The following KCNIP1 variants were observed in gnomAD, a reference collection of about 807,000 sequenced individuals.
The protein encoded by KCNIP1 is A-type potassium channel modulatory protein KCNIP1.
KCNIP1 carries 18 observed loss-of-function variants against 33.0 expected under a neutral mutation model. The ratio of observed to expected loss-of-function variants is 0.55; its 90% CI spans 0.38 to 0.81. The LOEUF is 0.81. Ranked by LOEUF, KCNIP1 falls within the 30% of genes least tolerant of loss-of-function variation. The pLI is 0.00. For missense variants in KCNIP1, 238 were observed against 271.6 expected (o/e 0.88, Z 0.87); for synonymous variants, 93 against 98.3 (o/e 0.95, Z 0.32).
intron 1 of KCNIP1, among the ~76,000 whole-genome samples, chr5:170,515,095 T>G (rs1264196797): frequency 6.6e-6 from 1 of 152,198 alleles, no homozygotes; most frequent in East Asian, 1.9e-4. Context: ...CGATGCCTGG[T>G]GGAAGAACAG....
At chr5:170,474,060 T>C (rs1756795776) in intron 1 of KCNIP1, among the ~76,000 whole-genome samples, 1 of 152,250 alleles carries the variant, frequency 6.6e-6, no homozygotes, top group Non-Finnish European at 1.5e-5. Flanking sequence ...AAGCTAGTTA[T>C]TATGAGAAAC....
chr5:170,690,689 C>G (rs1762691422), intron 1 of KCNIP1, among the ~76,000 whole-genome samples: 1 of 152,234 alleles, frequency 6.6e-6, no homozygotes, highest in African/African-American at 2.4e-5. Context: ...AGCCTCAACC[C>G]CAGCCCTCAG....
rs865989986 is a variant in KCNIP1 at position 170,504,699 on chromosome 5, G to A, written c.61+66G>A. The A allele has an allele frequency of 5.5e-5, 73 of 1,325,288 alleles. No homozygotes were observed. The Middle Eastern group carries it at 2.7e-3, about 49-fold the overall frequency. The allele number at this position is 1,325,288 out of a possible 1,614,324, so 82.1% of individuals were successfully genotyped here. On this transcript the variant is annotated intron_variant, in intron 1 of 7. Coordinates refer to ENST00000328939, the MANE Select transcript of KCNIP1 (RefSeq NM_014592.4). This position sits in a 1 kb window ranked among gnomAD's most constrained non-coding sequence, Gnocchi z 6.0. ...GGGGTGCTAGGCGCCGAGGTGGGCT[G>A]TGCCACCTGCCTCCCTTAGTCCGGA...
intron 1 of KCNIP1, among the ~76,000 whole-genome samples, chr5:170,355,602 G>A (rs138405945): frequency 6.6e-6 from 1 of 152,276 alleles, no homozygotes; most frequent in Non-Finnish European, 1.5e-5. Flanking sequence ...AGATGTCTGG[G>A]GCAGACTAAG....
chr5:170,408,001 C>T (rs1278335266), intron 1 of KCNIP1, among the ~76,000 whole-genome samples: 1 of 152,200 alleles, frequency 6.6e-6, no homozygotes, highest in Non-Finnish European at 1.5e-5. Context: ...TCTCTCTCAG[C>T]CTCAACTTTC....
intron 1 of KCNIP1, among the ~76,000 whole-genome samples, chr5:170,392,749 A>T (rs1382762554): frequency 6.6e-6 from 1 of 152,200 alleles, no homozygotes; most frequent in African/African-American, 2.4e-5. Context: ...ACTTGAATCC[A>T]GGAGGCGGAG....
At chr5:170,445,270 A>G (rs1561629498) in intron 1 of KCNIP1, among the ~76,000 whole-genome samples, 1 of 152,128 alleles carries the variant, frequency 6.6e-6, no homozygotes, top group Non-Finnish European at 1.5e-5. Flanking sequence ...TGTTGTCTCC[A>G]ATTGCCTCAG....
chr5:170,699,901 C>T (rs764554084), intron 1 of KCNIP1, among the ~76,000 whole-genome samples: 3 of 152,206 alleles, frequency 2.0e-5, no homozygotes, highest in Non-Finnish European at 4.4e-5. Flanking sequence ...GAGCCATCCT[C>T]CGTGAAGCCC....
chr5:170,699,861 G>A (rs746242245), intron 1 of KCNIP1, among the ~76,000 whole-genome samples: 15 of 152,206 alleles, frequency 9.9e-5, no homozygotes, highest in Non-Finnish European at 2.1e-4. Context: ...GGAAGGACAC[G>A]AAGCCAGCAG....
At chr5:170,450,087 C>G (rs79612990) in intron 1 of KCNIP1, among the ~76,000 whole-genome samples, 17,853 of 151,756 alleles carry the variant, frequency 0.12, 1,320 homozygotes, top group South Asian at 0.26. Flanking sequence ...CTCAGGACTG[C>G]TCTCTTGGGG....
chr5:170,696,327 GC>G (rs1173124565), intron 1 of KCNIP1, among the ~76,000 whole-genome samples: 6 of 151,336 alleles, frequency 4.0e-5, no homozygotes, highest in Non-Finnish European at 2.9e-5. Context: ...TGTTGCTGAT[GC>G]CTGGACCTAA....
At chr5:170,437,814 T>C (rs1014665425) in intron 1 of KCNIP1, among the ~76,000 whole-genome samples, 7 of 152,110 alleles carry the variant, frequency 4.6e-5, no homozygotes, top group Admixed American at 2.0e-4. Context: ...ACCATCCAGG[T>C]TTCCCCTACC....
intron 1 of KCNIP1, among the ~76,000 whole-genome samples, chr5:170,404,789 G>T: frequency 6.6e-6 from 1 of 152,174 alleles, no homozygotes. Context: ...ACAAAATATT[G>T]TGGCCATTTT....
intron 5 of KCNIP1, among the ~76,000 whole-genome samples, chr5:170,729,970 A>C (rs1764139245): frequency 6.6e-6 from 1 of 152,140 alleles, no homozygotes; most frequent in Non-Finnish European, 1.5e-5. Flanking sequence ...GATATCCACT[A>C]ACAGCAGATT....
chr5:170,526,383 G>A (rs1755570179), intron 1 of KCNIP1, among the ~76,000 whole-genome samples: 1 of 152,158 alleles, frequency 6.6e-6, no homozygotes. Flanking sequence ...ATGTGCCTGG[G>A]GTGGATTCGA....
chr5:170,622,598 G>C (rs1759645912), intron 1 of KCNIP1, among the ~76,000 whole-genome samples: 1 of 149,510 alleles, frequency 6.7e-6, no homozygotes, highest in Admixed American at 6.7e-5. Context: ...CTCCAGCCTA[G>C]GTGACAAGCG....
intron 1 of KCNIP1, among the ~76,000 whole-genome samples, chr5:170,629,494 G>T (rs1759968122): frequency 6.6e-6 from 1 of 152,230 alleles, no homozygotes; most frequent in South Asian, 2.1e-4. Flanking sequence ...AAGCAGAGAG[G>T]AGGGGTCTCA....
intron 1 of KCNIP1, among the ~76,000 whole-genome samples, chr5:170,396,447 T>A (rs929388085): frequency 6.6e-6 from 1 of 152,248 alleles, no homozygotes; most frequent in East Asian, 1.9e-4. Context: ...CAGAAAGTTC[T>A]GAGAACATGT....
chr5:170,681,794 G>C (rs570261943), intron 1 of KCNIP1, among the ~76,000 whole-genome samples: 2 of 152,336 alleles, frequency 1.3e-5, no homozygotes, highest in South Asian at 4.1e-4. Flanking sequence ...GGATTAGAAA[G>C]TGATTTGGTT....
Sources: allele counts gnomAD v4.1 joint callset (sites outside exome capture counted in the v4.1 genomes callset), GRCh38; gene constraint gnomAD v4.1.1; non-coding constraint Gnocchi (gnomAD v3.1); transcripts MANE v1.5; gene names NCBI Gene and HGNC (gene_info 2026-07-23, HGNC 2026-07-21).